Variants in RPS6KL1 observed in about 807,000 individuals in gnomAD.
RPS6KL1 encodes ribosomal protein S6 kinase like 1.
RPS6KL1 carries 41 observed loss-of-function variants against 57.0 expected under a neutral mutation model. The ratio of observed to expected loss-of-function variants is 0.72; its 90% confidence interval spans 0.56 to 0.93. RPS6KL1 has a LOEUF of 0.93. RPS6KL1 is among the 40% of genes least tolerant of loss of function. The pLI is 0.00. For synonymous variants in RPS6KL1, 287 were observed against 309.7 expected (o/e 0.93, Z 0.77); for missense variants, 697 against 727.7 (o/e 0.96, Z 0.49).
chr14:74,906,423 T>TGGGGGGG lies in RPS6KL1; in HGVS notation c.*590_*591insCCCCCCC, dbSNP rs1884863287. ...GGAATCGGGGGTGGGGGGGTGGGGG[T>TGGGGGGG]GGGGGTCATCCTGTCCCCTACCTCA... is the stretch of plus-strand genomic sequence containing the variant. On this transcript the variant is annotated 3_prime_UTR_variant, in exon 12 of 12. Transcript: ENST00000557413. 5.2e-6 allele frequency: 1 copy of TGGGGGGG among 192,618 alleles called. No individual in the cohort carries two copies. The highest frequency in any genetic ancestry group is 5.5e-5 in the Admixed American group (1 of 18,238). 11.9% of individuals were successfully genotyped at this position (192,618 alleles called of 1,614,324 possible). A position where few individuals can be genotyped will look rare whatever the true frequency, so the allele number is the denominator to read the frequency against.
intron 5 of RPS6KL1, among the ~76,000 whole-genome samples, chr14:74,918,223 T>G (rs1361452877): frequency 6.6e-6 from 1 of 152,186 alleles, no homozygotes; most frequent in East Asian, 1.9e-4. Context: ...CCCAAAGTGC[T>G]GGGATTCCAG....
In RPS6KL1 at chr14:74,919,981, A is replaced by G; in HGVS notation, c.266-12T>C. The G allele has an allele frequency of 6.2e-7, 1 of 1,614,084 alleles. No homozygotes were observed. Among genetic ancestry groups the G allele is most frequent in the Non-Finnish European group, 8.5e-7 (1 of 1,179,986 alleles). ...CTTGTTGGGGTCAACTGTGGGAGAC[A>G]AGAGTCACCAGGGTCCCCAGCCATG... On this transcript the variant is annotated splice_polypyrimidine_tract_variant and intron_variant, in intron 3 of 11. Coordinates refer to ENST00000557413, the MANE Select transcript of RPS6KL1 (RefSeq NM_031464.5).
chr14:74,907,355 G>C, intron 11 of RPS6KL1, 80 bp downstream of exon 11: 1 of 1,512,962 alleles, frequency 6.6e-7, no homozygotes, highest in Non-Finnish European at 8.9e-7. Context: ...AAGCACACGT[G>C]GTTCAGACAC....
At chr14:74,914,020 G>C (rs1229940462) in intron 5 of RPS6KL1, among the ~76,000 whole-genome samples, 1 of 152,260 alleles carries the variant, frequency 6.6e-6, no homozygotes, top group Non-Finnish European at 1.5e-5. Context: ...GAGCCCTGCA[G>C]ACTTTACTGG....
At chr14:74,911,772 G>T in intron 6 of RPS6KL1, 22 bp downstream of exon 6, 1 of 1,554,586 alleles carries the variant, frequency 6.4e-7, no homozygotes, top group Non-Finnish European at 8.7e-7. Flanking sequence ...ATGCAGAGTG[G>T]CAGGGGCAGG....
rs777044534 is a variant in RPS6KL1, at chr14:74,909,146, G to C, written c.1315C>G (p.Pro439Ala). 1.2e-6 allele frequency: 2 copies of C among 1,614,214 alleles called. No individual in the cohort carries two copies. Among genetic ancestry groups the C allele is most frequent in the Admixed American group, 1.7e-5 (1 of 60,032 alleles). The change falls in exon 9 of 12, where the codon CCC becomes GCC. Residue 439 changes from proline (P) to alanine (A), a missense_variant. Transcript: ENST00000557413. ...TYFGQWSEVE[P>A]QCCGEAVDNL... The stretch of plus-strand genomic sequence containing the variant: ...TCCACGGCCTCCCCGCAGCACTGGG[G>C]CTCCACCTCTGACCACTGGCCAAAA...
intron 11 of RPS6KL1, 45 bp from the exon 12 acceptor site, chr14:74,907,169 G>A (rs1885037515): frequency 1.3e-6 from 2 of 1,516,590 alleles, no homozygotes; most frequent in Non-Finnish European, 1.8e-6. Flanking sequence ...AGCTGTGGAG[G>A]CATGGGGTGA....
Position 74,919,865 on chromosome 14 carries a change from T to C in RPS6KL1, c.370A>G (p.Ser124Gly). 2 of 1,613,442 alleles carry C rather than the reference T, an allele frequency of 1.2e-6. No homozygotes were observed. The highest frequency in any genetic ancestry group is 1.7e-6 in the Non-Finnish European group (2 of 1,179,892). The change falls in exon 4 of 12, where the codon AGT (serine) becomes GGT (glycine). Residue 124 changes from serine (S) to glycine (G), a missense_variant. Ser to Gly is a moderately conservative substitution (Grantham distance 56). Coordinates refer to ENST00000557413, the MANE Select transcript of RPS6KL1 (RefSeq NM_031464.5). Reference protein sequence around the residue: ...FNCHLQRPLSSGASPSAGFSS... With the variant: ...FNCHLQRPLSGGASPSAGFSS... ...CTCACCGCGCTGGGGCTGGCTCCAC[T>C]GCTCAGCGGCCGCTGCAGGTGGCAG... is the stretch of plus-strand genomic sequence containing the variant.
chr14:74,921,526 A>G lies in RPS6KL1; in HGVS notation c.16T>C (p.Cys6Arg). 1 of 1,613,844 alleles carries G rather than the reference A, an allele frequency of 6.2e-7. No individual in the cohort carries two copies. Among genetic ancestry groups the G allele is most frequent in the South Asian group, 1.1e-5 (1 of 91,080 alleles). ...AGGCCGGGGCTGGGCAGGCACTCACAGGCCACCAGGCTCATGGCTGCCCTG... is the reference window on the plus strand; with the variant it reads ...AGGCCGGGGCTGGGCAGGCACTCACGGGCCACCAGGCTCATGGCTGCCCTG... Reference protein sequence around the residue: MSLVACECLPSPGLEP... With the variant: MSLVARECLPSPGLEP... The change falls in exon 3 of 12, where the codon TGT becomes CGT. Residue 6 changes from cysteine to arginine, a missense_variant. Cys to Arg is a radical substitution (Grantham distance 180, BLOSUM62 -3). Coordinates refer to ENST00000557413, the MANE Select transcript of RPS6KL1 (RefSeq NM_031464.5).
At chr14:74,910,369 CAAACTG>C in intron 7 of RPS6KL1, 9 of 370,772 alleles carry the variant, frequency 2.4e-5, no homozygotes, top group Admixed American at 9.7e-5. Flanking sequence ...CCCAGCCTTA[CAAACTG>C]GCACACCACC....
intron 2 of RPS6KL1, 141 bp from the exon 3 acceptor site, chr14:74,921,702 T>A: frequency 6.9e-7 from 1 of 1,439,436 alleles, no homozygotes; most frequent in Non-Finnish European, 9.1e-7. Context: ...GGGTAAGGTC[T>A]TTTCATGGAT....
intron 8 of RPS6KL1, 78 bp downstream of exon 8, chr14:74,909,465 C>T: frequency 6.6e-7 from 1 of 1,506,270 alleles, no homozygotes; most frequent in Non-Finnish European, 8.9e-7. Context: ...TTGGAGGTCC[C>T]CTCGACTTTG....
chr14:74,921,238 T>TCCCCCCCCCCC, intron 3 of RPS6KL1, 39 bp downstream of exon 3: 10 of 840,076 alleles, frequency 1.2e-5, no homozygotes, highest in Admixed American at 3.5e-5. Context: ...CACTGGCCCT[T>TCCCCCCCCCCC]CCCCACCCAC....
At position 74,911,278 on chromosome 14, in the gene RPS6KL1, A is replaced by T; in HGVS notation, c.634T>A (p.Ser212Thr). 6.2e-7 allele frequency: 1 copy of T among 1,612,694 alleles called. No individual in the cohort carries two copies. The highest frequency in any genetic ancestry group is 8.5e-7 in the Non-Finnish European group (1 of 1,179,988). ...ACATGCTCCAGGTGCAGGAAGATGG[A>T]GTCCTCGCTCACAAAGTACCTGAGC... Reference protein sequence around the residue: ...KLLRYFVSEDSIFLHLEHVQG... With the variant: ...KLLRYFVSEDTIFLHLEHVQG... The change falls in exon 7 of 12, where the codon TCC becomes ACC. Residue 212 changes from serine (S) to threonine (T), a missense_variant. Coordinates refer to ENST00000557413, the MANE Select transcript of RPS6KL1 (RefSeq NM_031464.5).
chr14:74,910,346 C>A, intron 7 of RPS6KL1, 198 bp from the exon 8 acceptor site: 1 of 483,632 alleles, frequency 2.1e-6, no homozygotes. Context: ...CCTCTTGACC[C>A]AACTAAAGTG....
chr14:74,909,438 G>A (rs1325142706), intron 8 of RPS6KL1, 105 bp downstream of exon 8: 46 of 1,425,248 alleles, frequency 3.2e-5, no homozygotes, highest in Non-Finnish European at 4.1e-5. Flanking sequence ...GCTGGGGCCA[G>A]GGAGGAGCAG....
chr14:74,921,530 C>T lies in RPS6KL1; in HGVS notation c.12G>A (p.Val4=). 6.2e-7 allele frequency: 1 copy of T among 1,613,844 alleles called. No individual in the cohort carries two copies. The highest frequency in any genetic ancestry group is 8.5e-7 in the Non-Finnish European group (1 of 1,179,914). Residue 4 remains valine (V), a synonymous_variant, in exon 3 of 12, where the codon GTG becomes GTA. Coordinates refer to ENST00000557413, the MANE Select transcript of RPS6KL1 (RefSeq NM_031464.5). MSL[V]ACECLPSPGL... is the part of the protein sequence containing the mutation. ...CGGGGCTGGGCAGGCACTCACAGGC[C>T]ACCAGGCTCATGGCTGCCCTGCAGC...
chr14:74,922,930 C>A (rs929427005), intron 1 of RPS6KL1, among the ~76,000 whole-genome samples: 1 of 152,202 alleles, frequency 6.6e-6, no homozygotes, highest in Admixed American at 6.5e-5. Context: ...CATCCCTGCT[C>A]GGCCAAGCCC....
chr14:74,915,011 C>T (rs1886613250), intron 5 of RPS6KL1, among the ~76,000 whole-genome samples: 1 of 152,194 alleles, frequency 6.6e-6, no homozygotes, highest in African/African-American at 2.4e-5. Flanking sequence ...TGCGCCCAGC[C>T]CCGCTGACTT....
Sources: gnomAD v4.1 joint callset for allele counts (sites outside exome capture counted in the v4.1 genomes callset) on GRCh38, gnomAD v4.1.1 for gene constraint, MANE v1.5 for transcripts, NCBI Gene and HGNC (gene_info 2026-07-23, HGNC 2026-07-21) for gene names.